The following DHX32 variants were observed in gnomAD, a reference collection of about 807,000 sequenced individuals.
DHX32 encodes the protein putative pre-mRNA-splicing factor ATP-dependent RNA helicase DHX32.
A neutral mutation model predicts 70.0 loss-of-function variants in DHX32; 51 were observed. That is an observed-to-expected ratio of 0.73 (90% CI 0.58 to 0.92). The LOEUF is 0.92. Ranked by LOEUF, DHX32 falls within the 40% of genes least tolerant of loss-of-function variation. DHX32 has a pLI of 0.00. For missense variants in DHX32, 762 were observed against 891.8 expected (o/e 0.85, Z 1.85); for synonymous variants, 310 against 315.3 (o/e 0.98, Z 0.18).
Position 125,841,004 on chromosome 10 carries a change from ATG to A in DHX32, c.1544-10_1544-9del. The stretch of plus-strand genomic sequence containing the variant: ...GTGAAAAGCAATTTGGAGCTTCAAA[ATG>A]AAAAAGGTCACATGGTTAGCAATAA... On this transcript the variant is annotated splice_polypyrimidine_tract_variant and intron_variant, in intron 7 of 10. Coordinates refer to ENST00000284690, the MANE Select transcript of DHX32 (RefSeq NM_018180.3). 6.3e-7 allele frequency: 1 copy of A among 1,594,600 alleles called. No individual in the cohort carries two copies. Among genetic ancestry groups the A allele is most frequent in the African/African-American group, 1.3e-5 (1 of 74,376 alleles).
chr10:125,894,796 T>C (rs1490057923), intron 1 of DHX32, among the ~76,000 whole-genome samples: 1 of 152,312 alleles, frequency 6.6e-6, no homozygotes, highest in Non-Finnish European at 1.5e-5. Flanking sequence ...CTTTTGATTA[T>C]GATATACTGA....
intron 6 of DHX32, among the ~76,000 whole-genome samples, chr10:125,850,354 C>CTTTTTTT (rs765077777): frequency 3.2e-5 from 4 of 124,554 alleles, no homozygotes; most frequent in African/African-American, 6.2e-5. Context: ...TTCTTTCTTT[C>CTTTTTTT]TTTTTTTTTT....
intron 6 of DHX32, among the ~76,000 whole-genome samples, chr10:125,847,608 A>G (rs1944037925): frequency 6.6e-6 from 1 of 152,208 alleles, no homozygotes; most frequent in Admixed American, 6.5e-5. Flanking sequence ...CAGAGGGTGG[A>G]GAGGATGGTT....
intron 10 of DHX32, among the ~76,000 whole-genome samples, chr10:125,837,247 C>G (rs141088123): frequency 1.2e-4 from 19 of 152,316 alleles, no homozygotes; most frequent in African/African-American, 4.3e-4. Flanking sequence ...CACTCCACAT[C>G]CAGCTGCGTA....
At chr10:125,871,216 A>C (rs1944253793) in intron 1 of DHX32, among the ~76,000 whole-genome samples, 1 of 152,244 alleles carries the variant, frequency 6.6e-6, no homozygotes, top group Non-Finnish European at 1.5e-5. Flanking sequence ...TGGAAGTACA[A>C]CAAATATACC....
At chr10:125,846,383 A>G (rs749634107) in intron 6 of DHX32, among the ~76,000 whole-genome samples, 3 of 152,232 alleles carry the variant, frequency 2.0e-5, no homozygotes, top group Non-Finnish European at 2.9e-5. Flanking sequence ...ATGACCATAC[A>G]GTGGGTGTTT....
chr10:125,855,995 G>A (rs1944144240), intron 3 of DHX32, among the ~76,000 whole-genome samples: 1 of 152,168 alleles, frequency 6.6e-6, no homozygotes, highest in African/African-American at 2.4e-5. Flanking sequence ...AAGGGAAAAA[G>A]CAGAGCAAAA....
intron 1 of DHX32, among the ~76,000 whole-genome samples, chr10:125,871,017 G>A (rs1361240143): frequency 6.6e-6 from 1 of 152,020 alleles, no homozygotes; most frequent in African/African-American, 2.4e-5. Context: ...TTCATATAAG[G>A]TCCAGGACAG....
At chr10:125,837,000 A>G (rs1043173759) in intron 10 of DHX32, 145 bp from the exon 11 acceptor site, 23 of 685,178 alleles carry the variant, frequency 3.4e-5, no homozygotes, top group Non-Finnish European at 5.1e-5. Context: ...TCTCAGTCCG[A>G]CTTTGTAAAA....
intron 6 of DHX32, among the ~76,000 whole-genome samples, chr10:125,845,236 C>T (rs924537095): frequency 2.8e-4 from 43 of 152,180 alleles, no homozygotes; most frequent in African/African-American, 1.0e-3. Flanking sequence ...CCTCGGTTGG[C>T]TCCCAAACCC....
intron 1 of DHX32, among the ~76,000 whole-genome samples, chr10:125,887,734 G>C (rs963555451): frequency 6.6e-6 from 1 of 151,936 alleles, no homozygotes; most frequent in African/African-American, 2.4e-5. Flanking sequence ...TTAGCTTTCC[G>C]AGTAGCTAGA....
chr10:125,871,728 T>C (rs1049253944), intron 1 of DHX32, among the ~76,000 whole-genome samples: 1 of 152,218 alleles, frequency 6.6e-6, no homozygotes, highest in Non-Finnish European at 1.5e-5. Flanking sequence ...CAAATGTCGA[T>C]AATTTGAGTA....
chr10:125,891,038 A>T (rs1024195279), intron 1 of DHX32, among the ~76,000 whole-genome samples: 5 of 152,212 alleles, frequency 3.3e-5, no homozygotes, highest in African/African-American at 1.2e-4. Flanking sequence ...CTCCCTACAA[A>T]TAAGTTTCTA....
intron 1 of DHX32, chr10:125,890,604 T>C (rs1395565728): frequency 1.3e-5 from 2 of 152,348 alleles, no homozygotes; most frequent in South Asian, 2.1e-4. Flanking sequence ...GTATTGACAA[T>C]TGGTTGAATA....
At chr10:125,879,743 C>T (rs1944306337) in intron 1 of DHX32, among the ~76,000 whole-genome samples, 1 of 152,148 alleles carries the variant, frequency 6.6e-6, no homozygotes, top group Non-Finnish European at 1.5e-5. Flanking sequence ...CCTCAACTTC[C>T]CAGGTTCAGG....
At chr10:125,838,166 TAA>T in intron 10 of DHX32, 38 bp downstream of exon 10, 1 of 1,350,336 alleles carries the variant, frequency 7.4e-7, no homozygotes, top group Non-Finnish European at 9.9e-7. Context: ...AGGTATGAAT[TAA>T]AAAAAAAATA....
chr10:125,854,202 T>A lies in DHX32; in HGVS notation c.851A>T (p.Asp284Val). ...GACAGTTTCACAGACTTTCTCAATA[T>A]CCTAAAGAAAAAAAAACCCATGAAA... ...DIVVFLACEQ[D>V]IEKVCETVYQ... The change falls in exon 4 of 11, where the codon GAT (aspartate) becomes GTT (valine). Residue 284 changes from aspartate to valine, a missense_variant and splice_region_variant. By Grantham distance (152) the Asp-to-Val change is radical. Coordinates refer to ENST00000284690, the MANE Select transcript of DHX32 (RefSeq NM_018180.3). 2 of 1,569,772 alleles carry A rather than the reference T, an allele frequency of 1.3e-6. No homozygotes were observed. The highest frequency in any genetic ancestry group is 1.2e-5 in the South Asian group (1 of 83,888).
chr10:125,882,466 GTCTTCT>G (rs553125068), upstream of DHX32, among the ~76,000 whole-genome samples: 486 of 152,236 alleles, frequency 3.2e-3, 4 homozygotes, highest in Admixed American at 3.9e-3. Context: ...TTTGCTGAGT[GTCTTCT>G]AAGGGCTTAT....
chr10:125,867,142 G>T lies in DHX32; in HGVS notation c.324C>A (p.Tyr108Ter). The T allele has an allele frequency of 6.2e-7, 1 of 1,614,108 alleles. No homozygotes were observed. The highest frequency in any genetic ancestry group is 8.5e-7 in the Non-Finnish European group (1 of 1,180,006). ...GTGTGCATATCACGCCCCCGTGCTG[G>T]TAGTGGATGGAAAGACAATATTCAG... is the stretch of plus-strand genomic sequence containing the variant. ...WCAEYCLSIH[Y>*]QHGGVICTQV... Residue 108 changes from tyrosine to a stop codon, truncating the protein, a stop_gained, in exon 2 of 11, where the codon TAC becomes TAA. Transcript: ENST00000284690. LOFTEE classifies it high-confidence loss of function.
Sources: gnomAD v4.1 joint callset for allele counts (sites outside exome capture counted in the v4.1 genomes callset) on GRCh38, gnomAD v4.1.1 for gene constraint, MANE v1.5 for transcripts, NCBI Gene and HGNC (gene_info 2026-07-23, HGNC 2026-07-21) for gene names.